Variants in CDKAL1 observed in about 807,000 individuals in gnomAD.
CDKAL1 encodes the protein threonylcarbamoyladenosine tRNA methylthiotransferase.
In CDKAL1, 32 loss-of-function variants were observed where a neutral mutation model predicts 68.2. That is an observed-to-expected ratio of 0.47 (90% CI 0.35 to 0.63). The LOEUF (loss-of-function observed/expected upper bound fraction) is 0.63. Among genes scored for constraint, CDKAL1 ranks in the 30% least tolerant of loss-of-function variants. CDKAL1 has a pLI of 0.00. For synonymous variants in CDKAL1, 234 were observed against 244.3 expected (o/e 0.96, Z 0.39); for missense variants, 606 against 696.7 (o/e 0.87, Z 1.47).
chr6:21,133,151 A>C (rs1317336617), intron 13 of CDKAL1, among the ~76,000 whole-genome samples: 1 of 152,162 alleles, frequency 6.6e-6, no homozygotes, highest in Non-Finnish European at 1.5e-5. Flanking sequence ...ATTTATAATA[A>C]AGCCTGTGCA....
intron 12 of CDKAL1, among the ~76,000 whole-genome samples, chr6:21,093,741 A>G (rs1413329981): frequency 3.8e-5 from 4 of 104,958 alleles, no homozygotes; most frequent in Non-Finnish European, 6.9e-5. Context: ...TTTTGGAGAC[A>G]GGGCCTCTCT....
intron 15 of CDKAL1, among the ~76,000 whole-genome samples, chr6:21,220,268 TAGC>T (rs1230004759): frequency 6.6e-6 from 1 of 152,188 alleles, no homozygotes; most frequent in Non-Finnish European, 1.5e-5. Context: ...GATATTTAGT[TAGC>T]AGAAGAGACT....
At chr6:20,833,995 A>G (rs796291090) in intron 8 of CDKAL1, among the ~76,000 whole-genome samples, 4 of 152,302 alleles carry the variant, frequency 2.6e-5, no homozygotes, top group African/African-American at 9.6e-5. Context: ...AAATCCAGCG[A>G]TCTGTGCTTT....
intron 11 of CDKAL1, among the ~76,000 whole-genome samples, chr6:21,001,625 T>A (rs764176011): frequency 6.6e-6 from 1 of 152,256 alleles, no homozygotes; most frequent in Non-Finnish European, 1.5e-5. Context: ...CCCTTTTTAA[T>A]ACTTTCAAAT....
intron 8 of CDKAL1, among the ~76,000 whole-genome samples, chr6:20,791,289 G>A (rs537871473): frequency 7.1e-4 from 108 of 152,322 alleles, no homozygotes; most frequent in Non-Finnish European, 1.3e-3. Flanking sequence ...CATAGTATCT[G>A]TTCAATATAT....
At chr6:20,549,146 A>G (rs1763718458) in intron 4 of CDKAL1, among the ~76,000 whole-genome samples, 1 of 152,054 alleles carries the variant, frequency 6.6e-6, no homozygotes, top group African/African-American at 2.4e-5. Context: ...GTTTCCTCCA[A>G]TCTGTGACAG....
intron 8 of CDKAL1, among the ~76,000 whole-genome samples, chr6:20,824,070 G>T (rs1422031107): frequency 6.6e-6 from 1 of 152,068 alleles, no homozygotes; most frequent in Non-Finnish European, 1.5e-5. Context: ...TTCCCTTAAA[G>T]TCTACTTTCA....
intron 11 of CDKAL1, among the ~76,000 whole-genome samples, chr6:21,020,368 A>C (rs191469837): frequency 6.6e-6 from 1 of 152,322 alleles, no homozygotes; most frequent in Non-Finnish European, 1.5e-5. Context: ...ATAGTCCCAT[A>C]TCTTCAACTA....
At chr6:20,682,536 C>CTA (rs1770426766) in intron 5 of CDKAL1, among the ~76,000 whole-genome samples, 1 of 146,990 alleles carries the variant, frequency 6.8e-6, no homozygotes. Context: ...GATGGGAGTG[C>CTA]TACACACTTT....
chr6:20,983,843 GATTT>G, intron 10 of CDKAL1, among the ~76,000 whole-genome samples: 1 of 152,260 alleles, frequency 6.6e-6, no homozygotes, highest in African/African-American at 2.4e-5. Flanking sequence ...TCCCAGAAAT[GATTT>G]ATTGTTTGTT....
intron 4 of CDKAL1, among the ~76,000 whole-genome samples, chr6:20,632,581 G>C (rs1175110400): frequency 6.6e-6 from 1 of 152,184 alleles, no homozygotes; most frequent in Non-Finnish European, 1.5e-5. Context: ...TGTTTGTTTA[G>C]TGTTAATTTT....
chr6:21,020,732 G>A (rs891009183), intron 11 of CDKAL1, among the ~76,000 whole-genome samples: 5 of 150,624 alleles, frequency 3.3e-5, no homozygotes, highest in Admixed American at 6.6e-5. Context: ...CTCCCAAAGT[G>A]CTGGAATTAC....
At chr6:21,077,191 T>C (rs984021250) in intron 12 of CDKAL1, among the ~76,000 whole-genome samples, 1 of 152,206 alleles carries the variant, frequency 6.6e-6, no homozygotes, top group Non-Finnish European at 1.5e-5. Context: ...TGTAAATATG[T>C]TATCTACATT....
chr6:20,795,143 G>A (rs9295483), intron 8 of CDKAL1, among the ~76,000 whole-genome samples: 145,930 of 152,188 alleles, frequency 0.96, 69,974 homozygotes, highest in East Asian at 1. Context: ...TTCTGGTTCT[G>A]CCATTTACCT....
At chr6:21,014,100 C>A (rs1469619631) in intron 11 of CDKAL1, among the ~76,000 whole-genome samples, 1 of 152,176 alleles carries the variant, frequency 6.6e-6, no homozygotes, top group African/African-American at 2.4e-5. Flanking sequence ...CCCCACCCTA[C>A]CTTGAAGGTT....
At chr6:20,875,938 GGAC>G (rs1760490940) in intron 9 of CDKAL1, among the ~76,000 whole-genome samples, 1 of 152,158 alleles carries the variant, frequency 6.6e-6, no homozygotes, top group Non-Finnish European at 1.5e-5. Flanking sequence ...TGGGAACATA[GGAC>G]TAATTGGGCT....
At chr6:20,537,536 G>A (rs1763222077) in intron 2 of CDKAL1, among the ~76,000 whole-genome samples, 2 of 151,372 alleles carry the variant, frequency 1.3e-5, no homozygotes, top group South Asian at 4.2e-4. Context: ...AACCCAGGAG[G>A]CACAGGTTGC....
In CDKAL1 at chr6:20,714,378, C is replaced by CTTTTTT. The variant is rs545162371; in HGVS notation, c.372-25118_372-25113dup. On this transcript the variant is annotated intron_variant, in intron 5 of 15. Transcript: ENST00000274695. ...AATATTAATGATACTATTGTCTGTT[C>CTTTTTT]TTTTTTTTTTTTTTTTTTTTTTTTT... 1.6e-3 allele frequency among the ~76,000 whole-genome samples: 113 copies of CTTTTTT among 72,746 alleles called. 13 individuals carry two copies. The highest frequency in any genetic ancestry group is 2.2e-3 in the Non-Finnish European group (78 of 34,778). 47.7% of individuals were successfully genotyped at this position (72,746 alleles called of 152,430 possible).
intron 8 of CDKAL1, among the ~76,000 whole-genome samples, chr6:20,838,187 A>C (rs998812695): frequency 6.6e-6 from 1 of 152,108 alleles, no homozygotes; most frequent in Non-Finnish European, 1.5e-5. Context: ...TTAAAGGATA[A>C]ATTATATGTC....
Sources: allele counts gnomAD v4.1 joint callset (sites outside exome capture counted in the v4.1 genomes callset), GRCh38; gene constraint gnomAD v4.1.1; transcripts MANE v1.5; gene names NCBI Gene and HGNC (gene_info 2026-07-23, HGNC 2026-07-21).